The following SUPT3H variants were observed in gnomAD, a reference collection of about 807,000 sequenced individuals.
The protein encoded by SUPT3H is SPT3 homolog, SAGA and STAGA complex component.
In SUPT3H, 44 loss-of-function variants were observed where a neutral mutation model predicts 44.3. The observed-to-expected ratio is 0.99, with a 90% CI of 0.78 to 1.28. SUPT3H has a LOEUF of 1.28. Among genes scored for constraint, SUPT3H ranks in the 50% most tolerant of loss-of-function variants. The pLI is 0.00. For missense variants in SUPT3H, 380 were observed against 387.1 expected (o/e 0.98, Z 0.15); for synonymous variants, 124 against 125.6 (o/e 0.99, Z 0.09).
intron 2 of SUPT3H, among the ~76,000 whole-genome samples, chr6:45,168,639 ATTAC>A (rs1189593854): frequency 1.3e-5 from 2 of 152,180 alleles, no homozygotes; most frequent in Non-Finnish European, 2.9e-5. Context: ...CTGTTTTTAA[ATTAC>A]TTATAAACCC....
At chr6:45,364,028 T>C (rs12205642) in intron 2 of SUPT3H, among the ~76,000 whole-genome samples, 34,290 of 151,418 alleles carry the variant, frequency 0.23, 4,552 homozygotes, top group Non-Finnish European at 0.31. Context: ...GGCAGGAAAA[T>C]CGCTTCAACC....
chr6:44,954,257 G>A (rs1201489767), intron 8 of SUPT3H, among the ~76,000 whole-genome samples: 11 of 152,182 alleles, frequency 7.2e-5, no homozygotes, highest in African/African-American at 2.4e-4. Context: ...AGCATGCAGG[G>A]ATTCCATTTC....
chr6:44,919,890 A>C (rs375271677), intron 10 of SUPT3H, among the ~76,000 whole-genome samples: 13 of 150,570 alleles, frequency 8.6e-5, no homozygotes, highest in Admixed American at 2.6e-4. Context: ...TTTCTTTTTT[A>C]TTTTTTGAGA....
chr6:44,954,679 C>T lies in SUPT3H; in HGVS notation c.581-72G>A, dbSNP rs1016683621. 12 of 835,940 alleles carry T rather than the reference C, an allele frequency of 1.4e-5. No individual in the cohort carries two copies. In the African/African-American group the frequency reaches 1.9e-4, roughly 13 times the overall value. The allele number at this position is 835,940 out of a possible 1,614,324, so 51.8% of individuals were successfully genotyped here. On this transcript the variant is annotated intron_variant, in intron 7 of 10. Coordinates refer to ENST00000371459, the MANE Select transcript of SUPT3H (RefSeq NM_003599.4). ...GTTTTAATACTGCACATTACTATCACAAAATTAAAAAAGTATACTCAGAAT... is the reference window on the plus strand; with the variant it reads ...GTTTTAATACTGCACATTACTATCATAAAATTAAAAAAGTATACTCAGAAT...
intron 10 of SUPT3H, among the ~76,000 whole-genome samples, chr6:44,846,934 T>C (rs1220890164): frequency 1.3e-5 from 2 of 152,186 alleles, no homozygotes; most frequent in African/African-American, 2.4e-5. Flanking sequence ...CCAGCCCCAG[T>C]TGAAAAGTTT....
intron 10 of SUPT3H, among the ~76,000 whole-genome samples, chr6:44,834,873 C>A (rs1769521907): frequency 6.6e-6 from 1 of 151,832 alleles, no homozygotes; most frequent in South Asian, 2.1e-4. Flanking sequence ...GGCGGAGGGG[C>A]GGTTAGGGGA....
At chr6:45,315,193 A>C (rs550462730) in intron 2 of SUPT3H, among the ~76,000 whole-genome samples, 6 of 152,212 alleles carry the variant, frequency 3.9e-5, no homozygotes, top group African/African-American at 1.4e-4. Context: ...CTAGAAGTTA[A>C]CATTGGAAAA....
At chr6:44,852,413 C>A (rs1263699180) in intron 10 of SUPT3H, among the ~76,000 whole-genome samples, 1 of 152,022 alleles carries the variant, frequency 6.6e-6, no homozygotes, top group African/African-American at 2.4e-5. Context: ...TCAAAAAAGG[C>A]TTTGGAGGTC....
chr6:45,255,973 C>A (rs539498481), intron 2 of SUPT3H, among the ~76,000 whole-genome samples: 9 of 152,188 alleles, frequency 5.9e-5, no homozygotes, highest in Admixed American at 1.3e-4. Context: ...AGATCGAGAC[C>A]ATCCTGGCTA....
At position 44,847,568 on chromosome 6, in the gene SUPT3H, A is replaced by G. The variant is rs184840992; in HGVS notation, c.913-17711T>C. ...AGTGGCACAATCTTGGCTCACTACA[A>G]CCTCCGCCTCCCGGGTTCAAGTGAT... On this transcript the variant is annotated intron_variant, in intron 10 of 10. Transcript: ENST00000371459. Among the ~76,000 whole-genome samples the G allele has an allele frequency of 1.4e-4, 21 of 151,604 alleles. No homozygotes were observed. The East Asian group carries it at 3.9e-3, about 28-fold the overall frequency.
At chr6:45,136,171 A>G (rs35147379) in intron 2 of SUPT3H, among the ~76,000 whole-genome samples, 2,141 of 152,342 alleles carry the variant, frequency 0.014, 35 homozygotes, top group Middle Eastern at 0.041. Context: ...TTTGAGCACA[A>G]TCTCTGAACT....
At chr6:45,100,304 G>A (rs889690271) in intron 3 of SUPT3H, among the ~76,000 whole-genome samples, 2 of 151,908 alleles carry the variant, frequency 1.3e-5, no homozygotes, top group African/African-American at 2.4e-5. Flanking sequence ...TGCAAGATGG[G>A]AGAAAATGCT....
chr6:45,289,144 G>A (rs906590261), intron 2 of SUPT3H, among the ~76,000 whole-genome samples: 15 of 151,682 alleles, frequency 9.9e-5, no homozygotes, highest in African/African-American at 3.6e-4. Flanking sequence ...GCATACTATT[G>A]CACTCTTATT....
intron 2 of SUPT3H, among the ~76,000 whole-genome samples, chr6:45,272,313 G>GAC (rs1223496838): frequency 6.6e-6 from 1 of 152,092 alleles, no homozygotes; most frequent in East Asian, 1.9e-4. Flanking sequence ...TTGTGGGAGG[G>GAC]ACAAGTGGGA....
intron 2 of SUPT3H, among the ~76,000 whole-genome samples, chr6:45,112,534 T>C (rs1284978): frequency 6.6e-6 from 1 of 152,014 alleles, no homozygotes; most frequent in Non-Finnish European, 1.5e-5. Flanking sequence ...CAAGCCCTGA[T>C]TAAGAATAGA....
intron 2 of SUPT3H, among the ~76,000 whole-genome samples, chr6:45,316,108 T>A (rs781354511): frequency 4.6e-5 from 7 of 152,152 alleles, no homozygotes; most frequent in Non-Finnish European, 1.0e-4. Flanking sequence ...CTCACTGATA[T>A]GTGGGAACTA....
intron 2 of SUPT3H, among the ~76,000 whole-genome samples, chr6:45,342,548 G>A (rs12205468): frequency 0.23 from 34,575 of 151,994 alleles, 4,619 homozygotes; most frequent in Non-Finnish European, 0.31. Context: ...CATAAGCCAC[G>A]ACACCCAGCC....
At chr6:44,965,714 C>A (rs1776687042) in intron 6 of SUPT3H, among the ~76,000 whole-genome samples, 1 of 151,958 alleles carries the variant, frequency 6.6e-6, no homozygotes, top group South Asian at 2.1e-4. Context: ...AAAAAAGGAA[C>A]AAATTTTGGC....
downstream of SUPT3H, among the ~76,000 whole-genome samples, chr6:44,823,583 G>A (rs1767514585): frequency 1.3e-5 from 2 of 152,190 alleles, no homozygotes; most frequent in African/African-American, 4.8e-5. Context: ...GCTGCCACAG[G>A]TAGTTTTGCA....
Sources: allele counts gnomAD v4.1 joint callset (sites outside exome capture counted in the v4.1 genomes callset), GRCh38; gene constraint gnomAD v4.1.1; transcripts MANE v1.5; gene names NCBI Gene and HGNC (gene_info 2026-07-23, HGNC 2026-07-21).